EDA: variants seen among roughly 807,000 people sequenced by gnomAD.
The protein encoded by EDA is ectodysplasin-A.
A neutral mutation model predicts 23.6 loss-of-function variants in EDA; 2 were observed. The ratio of observed to expected loss-of-function variants is 0.08; its 90% CI spans 0.03 to 0.27. EDA has a LOEUF of 0.27. Ranked by LOEUF, EDA falls within the 10% of genes least tolerant of loss-of-function variation. The pLI is 1.00. For missense variants in EDA, 229 were observed against 324.2 expected, an observed-to-expected ratio of 0.71 and a Z score of 2.26; for synonymous variants, 131 against 132.0, an observed-to-expected ratio of 0.99 and a Z score of 0.05.
At chrX:69,911,278 A>C (rs1173396840) in intron 1 of EDA, among the ~76,000 whole-genome samples, 1 of 111,598 alleles carries the variant, frequency 9.0e-6, no homozygotes, top group African/African-American at 3.3e-5. Flanking sequence ...CTATATCCAG[A>C]ATTTAGGATC....
chrX:69,849,649 CATTGTCTGGT>C lies in EDA; in HGVS notation c.397-107376_397-107367del, dbSNP rs760415087. 1.3e-3 allele frequency among the ~76,000 whole-genome samples: 143 copies of C among 112,225 alleles called. 5 individuals carry two copies. The South Asian group carries it at 0.051, about 40-fold the overall frequency. On this transcript the variant is annotated intron_variant, in intron 1 of 7. Transcript: ENST00000374552. ...ATTCTCATTTGGCACTTAACGTATACATTGTCTGGTAACATACTGTTGTTTTCTTGCTCCA... is the reference window on the plus strand; with the variant it reads ...ATTCTCATTTGGCACTTAACGTATACAACATACTGTTGTTTTCTTGCTCCA...
chrX:69,681,208 C>T (rs1934334482), intron 1 of EDA, among the ~76,000 whole-genome samples: 1 of 111,196 alleles, frequency 9.0e-6, no homozygotes, highest in African/African-American at 3.3e-5. Flanking sequence ...GTCTGATGGG[C>T]TTCCCTTTGA....
chrX:69,787,280 A>C (rs1475854776), intron 1 of EDA, among the ~76,000 whole-genome samples: 1 of 100,005 alleles, frequency 1.0e-5, no homozygotes, highest in Non-Finnish European at 2.1e-5. Context: ...TGGAGCATTT[A>C]GTCCATTTAC....
intron 1 of EDA, among the ~76,000 whole-genome samples, chrX:69,870,053 C>T (rs2147607406): frequency 8.9e-6 from 1 of 111,948 alleles, no homozygotes; most frequent in South Asian, 3.8e-4. Flanking sequence ...TCTCCCTAAG[C>T]CTTTGGATCC....
intron 1 of EDA, among the ~76,000 whole-genome samples, chrX:69,785,901 C>T (rs1222575725): frequency 1.8e-5 from 2 of 109,705 alleles, no homozygotes; most frequent in East Asian, 2.9e-4. Context: ...TGGTAGAATT[C>T]GGCTGTGAAT....
chrX:70,018,385 A>C (rs1336676774), intron 2 of EDA, among the ~76,000 whole-genome samples: 1 of 112,272 alleles, frequency 8.9e-6, no homozygotes, highest in Non-Finnish European at 1.9e-5. Flanking sequence ...AAGAGCCTGA[A>C]TAGCCAAGGC....
chrX:69,852,845 G>C (rs1190357255), intron 1 of EDA, among the ~76,000 whole-genome samples: 1 of 111,719 alleles, frequency 9.0e-6, no homozygotes, highest in African/African-American at 3.3e-5. Flanking sequence ...AATTCCCACT[G>C]CTGGTGTGGC....
chrX:69,792,105 G>A (rs776132545), intron 1 of EDA, among the ~76,000 whole-genome samples: 5 of 110,457 alleles, frequency 4.5e-5, no homozygotes, highest in South Asian at 3.8e-4. Flanking sequence ...TTTATTCCTC[G>A]TCCCCCTTCT....
intron 1 of EDA, among the ~76,000 whole-genome samples, chrX:69,805,828 T>G (rs2015800919): frequency 9.0e-6 from 1 of 111,587 alleles, no homozygotes; most frequent in Admixed American, 9.6e-5. Flanking sequence ...AAATAGTAAG[T>G]TATTTACATA....
intron 1 of EDA, among the ~76,000 whole-genome samples, chrX:69,748,825 T>C (rs1279815197): frequency 8.9e-6 from 1 of 111,905 alleles, no homozygotes; most frequent in Non-Finnish European, 1.9e-5. Context: ...TGTTGATATT[T>C]ATAAAGTGCT....
chrX:69,891,342 A>G (rs1280763430), intron 1 of EDA, among the ~76,000 whole-genome samples: 1 of 112,090 alleles, frequency 8.9e-6, no homozygotes, highest in East Asian at 2.8e-4. Context: ...TCAAAGACCT[A>G]AGGACAGAAA....
chrX:69,732,505 A>G (rs1282092491), intron 1 of EDA, among the ~76,000 whole-genome samples: 2 of 112,160 alleles, frequency 1.8e-5, no homozygotes, highest in Non-Finnish European at 3.8e-5. Flanking sequence ...ATCATTGTTC[A>G]ACATTTGTGT....
In EDA at chrX:69,999,757, A is replaced by T. The variant is rs140792563; in HGVS notation, c.503-23461A>T. On this transcript the variant is annotated intron_variant, in intron 2 of 7. Coordinates refer to ENST00000374552, the MANE Select transcript of EDA (RefSeq NM_001399.5). The stretch of plus-strand genomic sequence containing the variant: ...AAAGAGAAATAATTCCTCTCAGTTC[A>T]TGTTATAAAATTGGTATAACCTTGA... Among the ~76,000 whole-genome samples, 48 of 111,994 alleles carry T rather than the reference A, an allele frequency of 4.3e-4. 2 individuals carry two copies. The East Asian group carries it at 0.013, about 30-fold the overall frequency.
intron 1 of EDA, among the ~76,000 whole-genome samples, chrX:69,756,538 TC>T (rs1044741348): frequency 9.0e-6 from 1 of 111,631 alleles, no homozygotes; most frequent in Non-Finnish European, 1.9e-5. Flanking sequence ...TCCATCTGCT[TC>T]CCTGTAGGTT....
chrX:69,763,825 G>C (rs1000926070), intron 1 of EDA, among the ~76,000 whole-genome samples: 1 of 111,722 alleles, frequency 9.0e-6, no homozygotes, highest in Non-Finnish European at 1.9e-5. Context: ...ATATGATGAT[G>C]GGTGAGTATC....
At chrX:69,676,786 T>C (rs1286264775) in intron 1 of EDA, among the ~76,000 whole-genome samples, 1 of 111,260 alleles carries the variant, frequency 9.0e-6, no homozygotes, top group African/African-American at 3.3e-5. Context: ...CCCTCCATAA[T>C]ATGAGCCCAA....
At chrX:69,642,523 C>T (rs1347670762) in intron 1 of EDA, among the ~76,000 whole-genome samples, 1 of 110,648 alleles carries the variant, frequency 9.0e-6, no homozygotes, top group Non-Finnish European at 1.9e-5. Flanking sequence ...TTGAAAATGA[C>T]TTATAAAAAT....
chrX:69,973,787 G>A (rs1046348935), intron 2 of EDA, among the ~76,000 whole-genome samples: 14 of 111,620 alleles, frequency 1.3e-4, no homozygotes, highest in East Asian at 2.8e-4. Flanking sequence ...ATGAACTGTA[G>A]CAACAGTTAT....
chrX:69,857,742 A>T (rs2017291073), intron 1 of EDA, among the ~76,000 whole-genome samples: 2 of 83,957 alleles, frequency 2.4e-5, no homozygotes, highest in African/African-American at 9.7e-5. Context: ...GAATTTTAGG[A>T]TTGTTTGTTT....
Sources: gnomAD v4.1 joint callset for allele counts (sites outside exome capture counted in the v4.1 genomes callset) on GRCh38, gnomAD v4.1.1 for gene constraint, MANE v1.5 for transcripts, NCBI Gene and HGNC (gene_info 2026-07-23, HGNC 2026-07-21) for gene names.